Variants in CLSTN2 observed in about 807,000 individuals in gnomAD.
CLSTN2 encodes the protein calsyntenin-2.
In CLSTN2, 48 loss-of-function variants were observed where a neutral mutation model predicts 101.2. The observed-to-expected ratio is 0.47, with a 90% CI of 0.38 to 0.60. The LOEUF (loss-of-function observed/expected upper bound fraction) is 0.60. CLSTN2 is among the 20% of genes least tolerant of loss of function. CLSTN2 has a pLI of 0.00. For synonymous variants in CLSTN2, 481 were observed against 463.6 expected (o/e 1.04, Z -0.48); for missense variants, 1,160 against 1,238.2 (o/e 0.94, Z 0.95).
At chr3:140,389,618 G>A (rs1257848645) in intron 2 of CLSTN2, among the ~76,000 whole-genome samples, 3 of 152,244 alleles carry the variant, frequency 2.0e-5, no homozygotes, top group East Asian at 3.9e-4. Flanking sequence ...CTTTATAATA[G>A]AATGATTTAT....
rs1225193473 is a variant in CLSTN2 at position 140,490,114 on chromosome 3, A to ATG, written c.1344+23384_1344+23385insGT. On this transcript the variant is annotated intron_variant, in intron 8 of 16. Coordinates refer to ENST00000458420, the MANE Select transcript of CLSTN2 (RefSeq NM_022131.3). Reference sequence around the variant, plus strand: ...TATATATATATATATATATATATATATATACACACACACACACACACACAC... The same window carrying ATG: ...TATATATATATATATATATATATATATGTATACACACACACACACACACACAC... Among the ~76,000 whole-genome samples, 38 of 18,060 alleles carry ATG rather than the reference A, an allele frequency of 2.1e-3. 7 individuals are homozygous for ATG. Among genetic ancestry groups the ATG allele is most frequent in the Non-Finnish European group, 2.9e-3 (28 of 9,554 alleles). The allele number at this position is 18,060 out of a possible 152,430, so 11.8% of individuals were successfully genotyped here. A position where few individuals can be genotyped will look rare whatever the true frequency, so the allele number is the denominator to read the frequency against.
chr3:140,042,671 T>C (rs962944337), intron 1 of CLSTN2, among the ~76,000 whole-genome samples: 2 of 151,974 alleles, frequency 1.3e-5, no homozygotes, highest in African/African-American at 2.4e-5. Flanking sequence ...TATCCCTCCC[T>C]CCTCCCGCTA....
At chr3:140,085,126 T>C (rs2008659282) in intron 1 of CLSTN2, among the ~76,000 whole-genome samples, 1 of 152,166 alleles carries the variant, frequency 6.6e-6, no homozygotes, top group Non-Finnish European at 1.5e-5. Context: ...TAATTGAGGG[T>C]TGATTTTGTT....
chr3:139,998,531 A>G (rs2006743653), intron 1 of CLSTN2, among the ~76,000 whole-genome samples: 1 of 132,396 alleles, frequency 7.6e-6, no homozygotes, highest in African/African-American at 2.5e-5. Flanking sequence ...TTTTTAGTAG[A>G]GACGGGGTTT....
At chr3:140,238,520 C>T (rs948335483) in intron 2 of CLSTN2, among the ~76,000 whole-genome samples, 14 of 152,164 alleles carry the variant, frequency 9.2e-5, no homozygotes, top group African/African-American at 3.4e-4. Context: ...ATTTTTTCTG[C>T]ATCTCGTTTT....
chr3:140,464,101 G>A (rs1224654880), intron 7 of CLSTN2, among the ~76,000 whole-genome samples: 14 of 152,150 alleles, frequency 9.2e-5, no homozygotes, highest in African/African-American at 9.7e-5. Context: ...CTGCAGAGCC[G>A]TTGGAAAATG....
At chr3:140,180,499 T>C (rs1466604331) in intron 2 of CLSTN2, among the ~76,000 whole-genome samples, 1 of 152,166 alleles carries the variant, frequency 6.6e-6, no homozygotes, top group Non-Finnish European at 1.5e-5. Context: ...CCTTGAGTAA[T>C]AATGAAAATG....
chr3:140,459,914 T>G, intron 7 of CLSTN2, 145 bp downstream of exon 7: 4 of 951,456 alleles, frequency 4.2e-6, no homozygotes, highest in Non-Finnish European at 6.3e-6. Flanking sequence ...TATTCTGGTC[T>G]CTGGTTTTCT....
chr3:140,493,385 C>T (rs1473713089), intron 8 of CLSTN2, among the ~76,000 whole-genome samples: 1 of 152,130 alleles, frequency 6.6e-6, no homozygotes, highest in East Asian at 1.9e-4. Context: ...TTAGGATAGT[C>T]AAGAATCATT....
intron 2 of CLSTN2, among the ~76,000 whole-genome samples, chr3:140,315,686 G>C (rs566562465): frequency 1.3e-5 from 2 of 152,296 alleles, no homozygotes; most frequent in East Asian, 3.9e-4. Flanking sequence ...CAGAGTGGCT[G>C]TTACTTGAAT....
At chr3:140,559,375 A>G (rs1417977761) in intron 12 of CLSTN2, among the ~76,000 whole-genome samples, 1 of 152,142 alleles carries the variant, frequency 6.6e-6, no homozygotes, top group East Asian at 1.9e-4. Context: ...GCATCTTTAT[A>G]TATATAAAAG....
chr3:139,963,017 A>G (rs1935537939), intron 1 of CLSTN2, among the ~76,000 whole-genome samples: 2 of 152,096 alleles, frequency 1.3e-5, no homozygotes, highest in South Asian at 4.1e-4. Flanking sequence ...TATTATTATT[A>G]TTATTATTAC....
intron 8 of CLSTN2, among the ~76,000 whole-genome samples, chr3:140,521,704 G>A (rs997829548): frequency 1.3e-5 from 2 of 152,214 alleles, no homozygotes; most frequent in African/African-American, 4.8e-5. Flanking sequence ...GGACTCTCCA[G>A]AGCCAGCAGG....
intron 10 of CLSTN2, among the ~76,000 whole-genome samples, chr3:140,547,389 A>G (rs914636784): frequency 6.6e-6 from 1 of 152,072 alleles, no homozygotes; most frequent in African/African-American, 2.4e-5. Context: ...CAGGAGAATC[A>G]TTTGAACCCA....
chr3:140,461,457 C>G (rs1311275775), intron 7 of CLSTN2: 1 of 152,142 alleles, frequency 6.6e-6, no homozygotes, highest in African/African-American at 2.4e-5. Flanking sequence ...TGAGCTATAT[C>G]GAGTCCCCAG....
At chr3:140,047,047 T>C (rs1477792439) in intron 1 of CLSTN2, among the ~76,000 whole-genome samples, 1 of 152,144 alleles carries the variant, frequency 6.6e-6, no homozygotes, top group African/African-American at 2.4e-5. Flanking sequence ...TTAGTAAATA[T>C]CCATGTTGCT....
chr3:140,558,790 C>T lies in CLSTN2; in HGVS notation c.1974C>T (p.Leu658=). The T allele has an allele frequency of 2.5e-6, 4 of 1,614,072 alleles. No homozygotes were observed. The highest frequency in any genetic ancestry group is 2.5e-6 in the Non-Finnish European group (3 of 1,180,004). Residue 658 remains leucine (L), a synonymous_variant, in exon 12 of 17, where the codon CTC becomes CTT. Transcript: ENST00000458420. ...TTGAAAGTGCCAGGGGAGTGACCCT[C>T]TTCCCTGATATCAAGATTGTGAGCA... ...AQFESARGVT[L]FPDIKIVSTF...
At chr3:140,036,456 C>T (rs2007656191) in intron 1 of CLSTN2, among the ~76,000 whole-genome samples, 1 of 152,078 alleles carries the variant, frequency 6.6e-6, no homozygotes, top group Admixed American at 6.6e-5. Flanking sequence ...TTGTTCATCT[C>T]TACCTTTTCT....
rs567074399 is a variant in CLSTN2 at position 140,561,924 on chromosome 3, TTCCCACTAATTCATGCTACTAATTCA to T, written c.2042-199_2042-174del. 2.4e-4 allele frequency among the ~76,000 whole-genome samples: 37 copies of T among 152,308 alleles called. No homozygotes were observed. The South Asian group carries it at 7.7e-3, about 32-fold the overall frequency. ...CCTTTTGGCTACAGTATTCCTGCTG[TTCCCACTAATTCATGCTACTAATTCA>T]TCCCACTAATTCATCCTCAGGGATG... On this transcript the variant is annotated intron_variant, in intron 12 of 16. Transcript: ENST00000458420.
Sources: gnomAD v4.1 joint callset for allele counts (sites outside exome capture counted in the v4.1 genomes callset) on GRCh38, gnomAD v4.1.1 for gene constraint, MANE v1.5 for transcripts, NCBI Gene and HGNC (gene_info 2026-07-23, HGNC 2026-07-21) for gene names.